Variants in CTNND2 observed in about 807,000 individuals in gnomAD.
The protein encoded by CTNND2 is catenin delta-2.
A neutral mutation model predicts 144.4 loss-of-function variants in CTNND2; 22 were observed. The observed-to-expected ratio is 0.15, with a 90% confidence interval of 0.11 to 0.22. CTNND2 has a LOEUF of 0.22. Ranked by LOEUF, CTNND2 falls within the 10% of genes least tolerant of loss-of-function variation. The pLI is 1.00. For missense variants in CTNND2, 1,353 were observed against 1,618.8 expected, an observed-to-expected ratio of 0.84 and a Z score of 2.82; for synonymous variants, 751 against 695.6, an observed-to-expected ratio of 1.08 and a Z score of -1.25.
intron 5 of CTNND2, among the ~76,000 whole-genome samples, chr5:11,405,177 C>G (rs1454393259): frequency 6.6e-6 from 1 of 152,102 alleles, no homozygotes; most frequent in African/African-American, 2.4e-5. Context: ...AAATTCCCAC[C>G]AGGTTCTACA....
At chr5:11,452,674 C>T (rs890493311) in intron 3 of CTNND2, among the ~76,000 whole-genome samples, 1 of 152,142 alleles carries the variant, frequency 6.6e-6, no homozygotes, top group Non-Finnish European at 1.5e-5. Context: ...TTCTAGGTAG[C>T]CTGTTCACAA....
chr5:11,438,018 G>A (rs1207374595), intron 3 of CTNND2, among the ~76,000 whole-genome samples: 1 of 152,178 alleles, frequency 6.6e-6, no homozygotes, highest in Non-Finnish European at 1.5e-5. Context: ...GGGTATGTGT[G>A]ACAACATGGG....
intron 12 of CTNND2, among the ~76,000 whole-genome samples, chr5:11,134,910 G>A (rs936134085): frequency 6.6e-6 from 1 of 152,216 alleles, no homozygotes; most frequent in Non-Finnish European, 1.5e-5. Flanking sequence ...TGCACAGAAA[G>A]GTCAAATAGC....
chr5:11,441,368 ATTTT>A (rs774610481), intron 3 of CTNND2, among the ~76,000 whole-genome samples: 2,497 of 98,728 alleles, frequency 0.025, 80 homozygotes, highest in African/African-American at 0.077. Flanking sequence ...CCAATGTGGG[ATTTT>A]TTTTTTTTTT....
At chr5:11,636,456 C>T (rs546483134) in intron 2 of CTNND2, among the ~76,000 whole-genome samples, 3 of 152,182 alleles carry the variant, frequency 2.0e-5, no homozygotes, top group East Asian at 3.9e-4. Flanking sequence ...GGAAATAAAA[C>T]TTTTACTAGA....
chr5:11,773,154 AC>A (rs1364370748), intron 1 of CTNND2, among the ~76,000 whole-genome samples: 1 of 152,180 alleles, frequency 6.6e-6, no homozygotes, highest in African/African-American at 2.4e-5. Context: ...CTGTCAGTGC[AC>A]CTATTTTAGG....
intron 1 of CTNND2, among the ~76,000 whole-genome samples, chr5:11,818,293 C>T (rs539806724): frequency 6.6e-6 from 1 of 152,126 alleles, no homozygotes; most frequent in South Asian, 2.1e-4. Context: ...CGGTGATACC[C>T]GTGTTGCAGC....
intron 5 of CTNND2, among the ~76,000 whole-genome samples, chr5:11,411,163 C>T (rs562687279): frequency 2.6e-5 from 4 of 152,102 alleles, no homozygotes; most frequent in African/African-American, 9.6e-5. Flanking sequence ...TAAACCACCG[C>T]GCCCGGCCAG....
At chr5:11,160,962 A>C (rs1347274771) in intron 11 of CTNND2, among the ~76,000 whole-genome samples, 1 of 152,250 alleles carries the variant, frequency 6.6e-6, no homozygotes, top group Non-Finnish European at 1.5e-5. Context: ...AAGTTCAATA[A>C]AAATGTGACT....
Position 11,141,438 on chromosome 5 carries a change from A to C in CTNND2, c.2159+18138T>G, listed in dbSNP as rs141766107. On this transcript the variant is annotated intron_variant, in intron 12 of 21. Transcript: ENST00000304623. ...CCCTCCTGATGGCTCTTGGTGAATA[A>C]AGGAGCCAAAGCTAAAAGTTAGAGG... 1.1e-4 allele frequency among the ~76,000 whole-genome samples: 16 copies of C among 152,302 alleles called. No individual in the cohort carries two copies. The East Asian group carries it at 3.1e-3, about 29-fold the overall frequency.
intron 20 of CTNND2, among the ~76,000 whole-genome samples, chr5:10,986,112 G>C (rs1000935971): frequency 6.6e-6 from 1 of 152,194 alleles, no homozygotes; most frequent in Non-Finnish European, 1.5e-5. Context: ...GCATTTTTAA[G>C]TAAGTTAGAG....
intron 1 of CTNND2, among the ~76,000 whole-genome samples, chr5:11,805,388 C>A (rs1386956209): frequency 6.6e-6 from 1 of 152,084 alleles, no homozygotes; most frequent in Non-Finnish European, 1.5e-5. Context: ...ACATCTACCA[C>A]CCTTGGTTTT....
At chr5:11,882,251 C>T (rs1736173929) in intron 1 of CTNND2, among the ~76,000 whole-genome samples, 1 of 151,838 alleles carries the variant, frequency 6.6e-6, no homozygotes. Context: ...TGTATTTTTG[C>T]TTTTATTTCC....
intron 3 of CTNND2, among the ~76,000 whole-genome samples, chr5:11,429,118 C>T (rs1763044714): frequency 6.6e-6 from 1 of 152,112 alleles, no homozygotes; most frequent in Non-Finnish European, 1.5e-5. Context: ...GTGGCGTTCA[C>T]ATATAAAAGG....
At chr5:11,026,510 A>G (rs2149544708) in intron 16 of CTNND2, among the ~76,000 whole-genome samples, 1 of 151,952 alleles carries the variant, frequency 6.6e-6, no homozygotes, top group East Asian at 1.9e-4. Flanking sequence ...GGCACATGCC[A>G]CCACACCTGG....
intron 11 of CTNND2, among the ~76,000 whole-genome samples, chr5:11,162,960 G>A (rs961140686): frequency 1.3e-5 from 2 of 151,958 alleles, no homozygotes; most frequent in African/African-American, 4.8e-5. Context: ...AGAGAGATTA[G>A]TGGAGAGAAC....
At chr5:11,491,848 G>A (rs1218001243) in intron 3 of CTNND2, among the ~76,000 whole-genome samples, 2 of 152,192 alleles carry the variant, frequency 1.3e-5, no homozygotes, top group Admixed American at 1.3e-4. Context: ...ACAGAATCCA[G>A]TGACTCAGCA....
At chr5:11,678,312 G>A (rs1784268969) in intron 2 of CTNND2, among the ~76,000 whole-genome samples, 2 of 152,120 alleles carry the variant, frequency 1.3e-5, no homozygotes, top group Admixed American at 1.3e-4. Flanking sequence ...TATCTATCAG[G>A]AGGAGACTAG....
intron 16 of CTNND2, among the ~76,000 whole-genome samples, chr5:11,043,438 G>A (rs569806324): frequency 5.9e-5 from 9 of 152,138 alleles, no homozygotes; most frequent in Admixed American, 5.9e-4. Flanking sequence ...CATGTGATGA[G>A]TTTAAAACTT....
Sources: gnomAD v4.1 joint callset for allele counts (sites outside exome capture counted in the v4.1 genomes callset) on GRCh38, gnomAD v4.1.1 for gene constraint, MANE v1.5 for transcripts, NCBI Gene and HGNC (gene_info 2026-07-23, HGNC 2026-07-21) for gene names.